Variants in ERBB4 observed in about 807,000 individuals in gnomAD.
The protein encoded by ERBB4 is receptor tyrosine-protein kinase erbB-4.
ERBB4 carries 42 observed loss-of-function variants against 158.0 expected under a neutral mutation model. That is an observed-to-expected ratio of 0.27 (90% CI 0.21 to 0.34). The LOEUF (loss-of-function observed/expected upper bound fraction) is 0.34. Among genes scored for constraint, ERBB4 ranks in the 10% least tolerant of loss-of-function variants. The pLI, the probability that ERBB4 is intolerant of heterozygous loss-of-function variation, is 1.00. For missense variants in ERBB4, 1,333 were observed against 1,624.1 expected (o/e 0.82, Z 3.08); for synonymous variants, 583 against 558.7 (o/e 1.04, Z -0.61).
At chr2:212,023,533 T>C (rs1393398316) in intron 2 of ERBB4, among the ~76,000 whole-genome samples, 1 of 151,844 alleles carries the variant, frequency 6.6e-6, no homozygotes, top group African/African-American at 2.4e-5. Context: ...AAAAAACAGA[T>C]GAATAAGTCA....
At chr2:212,469,054 A>G (rs1688985678) in intron 1 of ERBB4, among the ~76,000 whole-genome samples, 1 of 152,192 alleles carries the variant, frequency 6.6e-6, no homozygotes, top group Admixed American at 6.5e-5. Flanking sequence ...TAATATTTCA[A>G]AAGGTGAATC....
chr2:212,529,110 T>C (rs566907754), intron 1 of ERBB4, among the ~76,000 whole-genome samples: 1 of 152,150 alleles, frequency 6.6e-6, no homozygotes, highest in African/African-American at 2.4e-5. Context: ...TCTATTCTTC[T>C]TTAAAGAAAG....
intron 1 of ERBB4, among the ~76,000 whole-genome samples, chr2:212,178,974 T>G (rs952181607): frequency 4.6e-5 from 7 of 151,666 alleles, no homozygotes; most frequent in Non-Finnish European, 1.0e-4. Context: ...TTTATAGAAA[T>G]GGCTAGAAAT....
At chr2:211,668,386 T>A (rs934254585) in intron 14 of ERBB4, among the ~76,000 whole-genome samples, 2 of 152,160 alleles carry the variant, frequency 1.3e-5, no homozygotes, top group Non-Finnish European at 2.9e-5. Flanking sequence ...CTTAAAGAAA[T>A]ATACCTGTGT....
intron 5 of ERBB4, among the ~76,000 whole-genome samples, chr2:211,735,144 T>C (rs2074563061): frequency 6.6e-6 from 1 of 151,704 alleles, no homozygotes; most frequent in African/African-American, 2.4e-5. Flanking sequence ...TATAAAAAAA[T>C]GTAGGTTGAG....
intron 13 of ERBB4, among the ~76,000 whole-genome samples, chr2:211,676,413 C>T (rs1013002426): frequency 2.0e-5 from 3 of 152,132 alleles, no homozygotes; most frequent in African/African-American, 4.8e-5. Context: ...ATCAGTGTTT[C>T]CTCAGGAAAC....
intron 1 of ERBB4, among the ~76,000 whole-genome samples, chr2:212,363,347 C>T (rs1421337403): frequency 1.3e-5 from 2 of 151,250 alleles, no homozygotes; most frequent in Non-Finnish European, 3.0e-5. Flanking sequence ...AGGCTTTTAA[C>T]TGATATTTAT....
At chr2:211,432,023 G>T (rs1399855795) in intron 20 of ERBB4, among the ~76,000 whole-genome samples, 2 of 152,092 alleles carry the variant, frequency 1.3e-5, no homozygotes. Flanking sequence ...AAGAACTTAT[G>T]TAAAACTAAG....
intron 1 of ERBB4, among the ~76,000 whole-genome samples, chr2:212,211,117 C>G (rs975639291): frequency 1.3e-5 from 2 of 152,112 alleles, no homozygotes; most frequent in African/African-American, 4.8e-5. Context: ...ATAAACTCTA[C>G]ATAGTAAACA....
chr2:212,209,212 T>G (rs1000725020), intron 1 of ERBB4, among the ~76,000 whole-genome samples: 6 of 152,186 alleles, frequency 3.9e-5, no homozygotes, highest in Non-Finnish European at 7.4e-5. Context: ...CTGAATTTGC[T>G]GCATATGAAA....
rs1553587259 is a variant in ERBB4 at position 212,190,550 on chromosome 2, AAAG to A, written c.83-65650_83-65648del. Among the ~76,000 whole-genome samples the A allele has an allele frequency of 2.7e-5, 4 of 147,020 alleles. No individual in the cohort carries two copies. The East Asian group carries it at 5.9e-4, about 22-fold the overall frequency. On this transcript the variant is annotated intron_variant, in intron 1 of 27. Transcript: ENST00000342788. ...AGACTCCGTCTCAAAAAAAAAAAAA[AAAG>A]AAGAAGAAGAAGAACTGGGCGCCTT...
In ERBB4 at chr2:212,081,841, A is replaced by T. The variant is rs548570746; in HGVS notation, c.234+42911T>A. On this transcript the variant is annotated intron_variant, in intron 2 of 27. Transcript: ENST00000342788. The stretch of plus-strand genomic sequence containing the variant: ...AAGGGCTGTCAGTTCTGGGTTTTTT[A>T]TATGTAACATTAATTTTTACAGGCA... 5.9e-5 allele frequency among the ~76,000 whole-genome samples: 9 copies of T among 152,234 alleles called. No homozygotes were observed. The East Asian group carries it at 1.5e-3, about 26-fold the overall frequency.
intron 20 of ERBB4, among the ~76,000 whole-genome samples, chr2:211,490,604 G>A (rs2065315747): frequency 6.6e-6 from 1 of 152,038 alleles, no homozygotes; most frequent in Non-Finnish European, 1.5e-5. Flanking sequence ...CTATGGAGAG[G>A]TGAAGCATTG....
chr2:212,439,642 T>C (rs1405308632), intron 1 of ERBB4, among the ~76,000 whole-genome samples: 2 of 152,164 alleles, frequency 1.3e-5, no homozygotes, highest in African/African-American at 4.8e-5. Flanking sequence ...TCATGTATTA[T>C]TATGAAGAAA....
In ERBB4 at chr2:211,965,951, C is replaced by T. The variant is rs139815011; in HGVS notation, c.235-18335G>A. Among the ~76,000 whole-genome samples the T allele has an allele frequency of 8.6e-4, 131 of 152,292 alleles. 3 individuals are homozygous for T. In the South Asian group the frequency reaches 0.024, roughly 28 times the overall value. On this transcript the variant is annotated intron_variant, in intron 2 of 27. Transcript: ENST00000342788. ...ATATGGTTGGGCACAGAGAATCATG[C>T]CTGTAATCCCAGCACTTTGGGAGGC...
chr2:212,514,955 T>C (rs1691740494), intron 1 of ERBB4, among the ~76,000 whole-genome samples: 1 of 152,196 alleles, frequency 6.6e-6, no homozygotes, highest in Non-Finnish European at 1.5e-5. Flanking sequence ...TAACAGCTTC[T>C]TGTATGAGGG....
At chr2:211,609,601 A>AC (rs1387904479) in intron 19 of ERBB4, among the ~76,000 whole-genome samples, 2 of 152,140 alleles carry the variant, frequency 1.3e-5, no homozygotes, top group Admixed American at 1.3e-4. Flanking sequence ...AGAATGCTGC[A>AC]CCAGGATCCT....
At chr2:211,713,485 C>T in intron 8 of ERBB4, 50 bp downstream of exon 8, 1 of 1,150,880 alleles carries the variant, frequency 8.7e-7, no homozygotes, top group Non-Finnish European at 1.3e-6. Flanking sequence ...GAATTAAAAA[C>T]CTTGTTATAT....
At chr2:212,014,630 G>T (rs184139781) in intron 2 of ERBB4, among the ~76,000 whole-genome samples, 1 of 151,970 alleles carries the variant, frequency 6.6e-6, no homozygotes, top group Non-Finnish European at 1.5e-5. Context: ...TTATTTTACT[G>T]CTTCAAACAC....
Sources: gnomAD v4.1 joint callset for allele counts (sites outside exome capture counted in the v4.1 genomes callset) on GRCh38, gnomAD v4.1.1 for gene constraint, MANE v1.5 for transcripts, NCBI Gene and HGNC (gene_info 2026-07-23, HGNC 2026-07-21) for gene names.